The following ETV1 variants were observed in gnomAD, a reference collection of about 807,000 sequenced individuals.
ETV1 encodes ETS translocation variant 1.
In ETV1, 27 loss-of-function variants were observed where a neutral mutation model predicts 62.3. The observed-to-expected ratio is 0.43, with a 90% CI of 0.32 to 0.60. ETV1 has a LOEUF of 0.60. Among genes scored for constraint, ETV1 ranks in the 20% least tolerant of loss-of-function variants. ETV1 has a pLI of 0.06. For synonymous variants in ETV1, 222 were observed against 199.6 expected (o/e 1.11, Z -0.94); for missense variants, 605 against 605.8 (o/e 1.00, Z 0.01).
intron 9 of ETV1, among the ~76,000 whole-genome samples, chr7:13,924,103 A>G (rs897200054): frequency 2.0e-5 from 3 of 152,180 alleles, no homozygotes; most frequent in African/African-American, 7.2e-5. Context: ...TTCCTCAACA[A>G]CAGCTTTCTT....
chr7:13,956,141 C>T (rs1187627897), intron 6 of ETV1, among the ~76,000 whole-genome samples: 2 of 151,858 alleles, frequency 1.3e-5, no homozygotes, highest in East Asian at 1.9e-4. Flanking sequence ...TTACAATAGC[C>T]GAAAATATAA....
chr7:13,950,284 T>C (rs1383006562), intron 6 of ETV1, among the ~76,000 whole-genome samples: 1 of 152,072 alleles, frequency 6.6e-6, no homozygotes, highest in Non-Finnish European at 1.5e-5. Flanking sequence ...GCAAGGATCT[T>C]CCTGGGCAGT....
At chr7:13,956,502 TGTC>T (rs1394596457) in intron 6 of ETV1, among the ~76,000 whole-genome samples, 1 of 152,208 alleles carries the variant, frequency 6.6e-6, no homozygotes, top group Non-Finnish European at 1.5e-5. Flanking sequence ...ATAGCAATAG[TGTC>T]ATGGCAACAT....
chr7:13,986,056 A>T, intron 5 of ETV1: 3 of 1,296,308 alleles, frequency 2.3e-6, no homozygotes, highest in Non-Finnish European at 3.2e-6. Flanking sequence ...AACATTTTTA[A>T]AATCCTCATA....
At chr7:13,975,494 T>C (rs904073113) in intron 6 of ETV1, among the ~76,000 whole-genome samples, 1 of 128,212 alleles carries the variant, frequency 7.8e-6, no homozygotes, top group Non-Finnish European at 1.6e-5. Context: ...ACCCGGGAGG[T>C]GGAGCTTGCA....
At chr7:13,937,102 GAAAT>G (rs1434348319) in intron 7 of ETV1, among the ~76,000 whole-genome samples, 1 of 152,030 alleles carries the variant, frequency 6.6e-6, no homozygotes, top group African/African-American at 2.4e-5. Flanking sequence ...TCTTTAGAAA[GAAAT>G]ATTTCTTTTT....
At chr7:13,910,435 C>A in intron 10 of ETV1, 1 of 245,816 alleles carries the variant, frequency 4.1e-6, no homozygotes, top group Non-Finnish European at 6.5e-6. Context: ...ATAATACTAA[C>A]AACAGAAGCA....
chr7:13,931,408 T>C, intron 9 of ETV1, 94 bp downstream of exon 9: 1 of 1,369,058 alleles, frequency 7.3e-7, no homozygotes, highest in Non-Finnish European at 1.0e-6. Flanking sequence ...TAAAAAATGG[T>C]CAGGAGCTAC....
At chr7:13,953,890 A>G (rs1249575586) in intron 6 of ETV1, among the ~76,000 whole-genome samples, 1 of 152,208 alleles carries the variant, frequency 6.6e-6, no homozygotes, top group Non-Finnish European at 1.5e-5. Context: ...GTGGATGAAG[A>G]TGTAGCATCT....
chr7:13,975,966 G>A (rs898950963), intron 6 of ETV1, among the ~76,000 whole-genome samples: 3 of 152,136 alleles, frequency 2.0e-5, no homozygotes, highest in Admixed American at 6.5e-5. Flanking sequence ...ATTGCCCATA[G>A]GAAGGGAAAT....
chr7:13,942,862 A>G (rs978812922), intron 6 of ETV1, among the ~76,000 whole-genome samples: 17 of 152,210 alleles, frequency 1.1e-4, no homozygotes, highest in Non-Finnish European at 2.2e-4. Flanking sequence ...AATGTCAGCC[A>G]TATTGGAGAC....
chr7:13,989,572 A>G lies in ETV1; in HGVS notation c.-294T>C, dbSNP rs1782866434. 1 of 399,166 alleles carries G rather than the reference A, an allele frequency of 2.5e-6. No individual in the cohort carries two copies. The highest frequency in any genetic ancestry group is 4.4e-6 in the Non-Finnish European group (1 of 226,168). The allele number at this position is 399,166 out of a possible 1,614,324, so 24.7% of individuals were successfully genotyped here. Reference sequence around the variant, plus strand: ...TGTTGGAAAGACCCACCTGAAGGCCACGCTAGGCGAAAGGCTGCAAAAACT... The same window carrying G: ...TGTTGGAAAGACCCACCTGAAGGCCGCGCTAGGCGAAAGGCTGCAAAAACT... On this transcript the variant is annotated 5_prime_UTR_variant, in exon 1 of 14. Coordinates refer to ENST00000430479, the MANE Select transcript of ETV1 (RefSeq NM_004956.5).
intron 6 of ETV1, among the ~76,000 whole-genome samples, chr7:13,945,410 G>T (rs936346487): frequency 2.0e-5 from 3 of 151,734 alleles, no homozygotes; most frequent in African/African-American, 7.3e-5. Flanking sequence ...TTCAACCTAT[G>T]TGGGCCTCAG....
chr7:13,956,165 A>G (rs1056094771), intron 6 of ETV1, among the ~76,000 whole-genome samples: 4 of 152,250 alleles, frequency 2.6e-5, no homozygotes, highest in Admixed American at 6.5e-5. Context: ...CAAGTATTAT[A>G]CAAGTATTCA....
chr7:13,989,134 A>G lies in ETV1; in HGVS notation c.-82T>C. 2 of 1,235,958 alleles carry G rather than the reference A, an allele frequency of 1.6e-6. No individual in the cohort carries two copies. Among genetic ancestry groups the G allele is most frequent in the Non-Finnish European group, 1.2e-6 (1 of 862,618 alleles). The allele number at this position is 1,235,958 out of a possible 1,614,324, so 76.6% of individuals were successfully genotyped here. A position where few individuals can be genotyped will look rare whatever the true frequency, so the allele number is the denominator to read the frequency against. On this transcript the variant is annotated 5_prime_UTR_variant, in exon 3 of 14. Transcript: ENST00000430479. ...AGATTTCCTCAGGATCTGGACTTCTATCAACCTAGAGGGGAACAAGATGGC... is the reference window on the plus strand; with the variant it reads ...AGATTTCCTCAGGATCTGGACTTCTGTCAACCTAGAGGGGAACAAGATGGC...
chr7:13,914,530 A>G (rs1345284188), intron 9 of ETV1, among the ~76,000 whole-genome samples: 1 of 151,984 alleles, frequency 6.6e-6, no homozygotes, highest in East Asian at 1.9e-4. Context: ...ATAATAAACT[A>G]ACACCCCAAA....
At chr7:13,913,484 C>T (rs76223230) in intron 9 of ETV1, among the ~76,000 whole-genome samples, 3,527 of 152,192 alleles carry the variant, frequency 0.023, 66 homozygotes, top group Middle Eastern at 0.044. Flanking sequence ...ATAATGACAT[C>T]CTTAAAAGGG....
chr7:13,920,230 C>G (rs949387348), intron 9 of ETV1, among the ~76,000 whole-genome samples: 1 of 152,164 alleles, frequency 6.6e-6, no homozygotes, highest in Non-Finnish European at 1.5e-5. Context: ...TTCAGACCCA[C>G]CAGTTCCTGT....
intron 11 of ETV1, among the ~76,000 whole-genome samples, chr7:13,909,406 G>A (rs1240997560): frequency 1.3e-5 from 2 of 152,126 alleles, no homozygotes; most frequent in Admixed American, 6.6e-5. Flanking sequence ...GATGCTCTTT[G>A]TCTATTTCTC....
Sources: allele counts gnomAD v4.1 joint callset (sites outside exome capture counted in the v4.1 genomes callset), GRCh38; gene constraint gnomAD v4.1.1; transcripts MANE v1.5; gene names NCBI Gene and HGNC (gene_info 2026-07-23, HGNC 2026-07-21).